The following MTFP1 variants were observed in gnomAD, a reference collection of about 807,000 sequenced individuals.
MTFP1 encodes mitochondrial fission process 1, also known as mitochondrial fission process protein 1.
MTFP1 carries 19 observed loss-of-function variants against 17.1 expected under a neutral mutation model. That is an observed-to-expected ratio of 1.11 (90% CI 0.77 to 1.63). The LOEUF (loss-of-function observed/expected upper bound fraction) is 1.63, where lower values mean the gene tolerates loss of function less well. MTFP1 is among the 40% of genes most tolerant of loss of function. The pLI is 0.00. For missense variants in MTFP1, 221 were observed against 226.2 expected (o/e 0.98, Z 0.15); for synonymous variants, 89 against 95.2 (o/e 0.93, Z 0.38).
Position 30,426,632 on chromosome 22 carries a change from A to C in MTFP1, c.68-85A>C. On this transcript the variant is annotated intron_variant, in intron 1 of 3. Coordinates refer to ENST00000266263, the MANE Select transcript of MTFP1 (RefSeq NM_016498.5). ...GCCTAAGGTCACCCAGGGACTGCTTAGCTGGCTAGGATGAGAACCAGCCTG... is the reference window on the plus strand; with the variant it reads ...GCCTAAGGTCACCCAGGGACTGCTTCGCTGGCTAGGATGAGAACCAGCCTG... 1.9e-6 allele frequency: 3 copies of C among 1,552,306 alleles called. No individual in the cohort carries two copies. The South Asian group carries it at 3.5e-5, about 18-fold the overall frequency.
At chr22:30,427,038 G>C (rs1321627484) in intron 2 of MTFP1, 133 bp from the exon 3 acceptor site, 1 of 1,352,532 alleles carries the variant, frequency 7.4e-7, no homozygotes, top group African/African-American at 1.4e-5. Context: ...AACTGGATGT[G>C]GCAGACTGTA....
chr22:30,427,006 G>T, intron 2 of MTFP1, 162 bp downstream of exon 2: 1 of 1,377,616 alleles, frequency 7.3e-7, no homozygotes. Flanking sequence ...GTGTACCCCT[G>T]CCCCCACACT....
intron 2 of MTFP1, 160 bp from the exon 3 acceptor site, chr22:30,427,011 C>G: frequency 7.3e-7 from 1 of 1,365,564 alleles, no homozygotes; most frequent in Non-Finnish European, 1.0e-6. Context: ...CCCCTGCCCC[C>G]ACACTCCCAC....
chr22:30,428,768 G>A lies in MTFP1; in HGVS notation c.*234G>A, dbSNP rs13058535. On this transcript the variant is annotated 3_prime_UTR_variant, in exon 4 of 4. Transcript: ENST00000266263. Reference sequence around the variant, plus strand: ...TCCCTGGAATCCAAGATGCTGAGTGGAAGTGGACCCTGGGTGGGCCCGGCC... The same window carrying A: ...TCCCTGGAATCCAAGATGCTGAGTGAAAGTGGACCCTGGGTGGGCCCGGCC... 0.11 allele frequency: 135,127 copies of A among 1,258,646 alleles called. 8,415 individuals are homozygous for A. Among genetic ancestry groups the A allele is most frequent in the Non-Finnish European group, 0.13 (110,800 of 873,848 alleles). 78.0% of individuals were successfully genotyped at this position (1,258,646 alleles called of 1,614,324 possible).
Position 30,427,262 on chromosome 22 carries a change from C to T in MTFP1, c.287C>T (p.Pro96Leu), listed in dbSNP as rs747853229. The T allele has an allele frequency of 5.6e-6, 9 of 1,613,896 alleles. No homozygotes were observed. In the East Asian group the frequency reaches 8.9e-5, roughly 16 times the overall value. The part of the protein sequence containing the change: ...VWQALASVAI[P>L]GFTINRVCAA... Reference sequence around the variant, plus strand: ...CAGGCTCTAGCCTCTGTGGCCATTCCGGGCTTCACCATCAACCGCGTGTGT... The same window carrying T: ...CAGGCTCTAGCCTCTGTGGCCATTCTGGGCTTCACCATCAACCGCGTGTGT... Residue 96 changes from proline to leucine, a missense_variant, in exon 3 of 4, where the codon CCG becomes CTG. Physicochemically the swap from Pro to Leu is moderately conservative, Grantham distance 98. Coordinates refer to ENST00000266263, the MANE Select transcript of MTFP1 (RefSeq NM_016498.5).
chr22:30,426,895 G>C, intron 2 of MTFP1, 51 bp downstream of exon 2: 1 of 1,599,392 alleles, frequency 6.3e-7, no homozygotes, highest in Middle Eastern at 1.7e-4. Flanking sequence ...CTTCTTGTGT[G>C]GTTCAGTCCA....
In MTFP1 at chr22:30,428,688, A is replaced by T; in HGVS notation, c.*154A>T. 6.2e-7 allele frequency: 1 copy of T among 1,612,624 alleles called. No homozygotes were observed. Among genetic ancestry groups the T allele is most frequent in the Non-Finnish European group, 8.5e-7 (1 of 1,178,658 alleles). ...ACAGAAGCTTAGAGACAAAGGCTTC[A>T]AGAAGCAGTGGCTGCAGGGAGTCAC... On this transcript the variant is annotated 3_prime_UTR_variant, in exon 4 of 4. Transcript: ENST00000266263.
At chr22:30,426,586 C>G (rs1041994763) in intron 1 of MTFP1, 131 bp from the exon 2 acceptor site, 2 of 1,236,954 alleles carry the variant, frequency 1.6e-6, no homozygotes, top group East Asian at 5.2e-5. Context: ...GAAAGGGAGG[C>G]TCAGAGAGGT....
rs768009050 is a variant in MTFP1, at chr22:30,426,844, G to A, written c.195G>A (p.Glu65=). Residue 65 remains glutamate, a splice_region_variant and synonymous_variant, in exon 2 of 4, where the codon GAG becomes GAA. Transcript: ENST00000266263. ...TTGACAAAGGCAAGAAGGCTGGAGA[G>A]GTGAGTGTTAGCCTATTTTCCAACC... ...DAIDKGKKAG[E]VPSPEAGRSA... is the part of the protein sequence containing the mutation. 1.2e-6 allele frequency: 2 copies of A among 1,609,676 alleles called. No individual in the cohort carries two copies. The highest frequency in any genetic ancestry group is 1.7e-6 in the Non-Finnish European group (2 of 1,179,956).
At position 30,425,807 on chromosome 22, in the gene MTFP1, C is replaced by G; in HGVS notation, c.-73C>G. Reference sequence around the variant, plus strand: ...TTTCGGCGGGTCCCGGCCGGGCAGACCCAAGTGCCGGCGGCGGAGACTGCA... The same window carrying G: ...TTTCGGCGGGTCCCGGCCGGGCAGAGCCAAGTGCCGGCGGCGGAGACTGCA... On this transcript the variant is annotated 5_prime_UTR_variant, in exon 1 of 4. Coordinates refer to ENST00000266263, the MANE Select transcript of MTFP1 (RefSeq NM_016498.5). 2 of 1,444,390 alleles carry G rather than the reference C, an allele frequency of 1.4e-6. No individual in the cohort carries two copies. The highest frequency in any genetic ancestry group is 4.7e-5 in the Admixed American group (2 of 42,318). The allele number at this position is 1,444,390 out of a possible 1,614,324, so 89.5% of individuals were successfully genotyped here. A position where few individuals can be genotyped will look rare whatever the true frequency, so the allele number is the denominator to read the frequency against.
Position 30,428,538 on chromosome 22 carries a change from T to C in MTFP1, c.*4T>C, listed in dbSNP as rs775396161. 3 of 1,614,054 alleles carry C rather than the reference T, an allele frequency of 1.9e-6. No homozygotes were observed. Among genetic ancestry groups the C allele is most frequent in the Non-Finnish European group, 1.7e-6 (2 of 1,180,022 alleles). The stretch of plus-strand genomic sequence containing the variant: ...GGGGAAGCCCAGCTCCTCCTGATCA[T>C]ACTCTGGTACCTGGCCTGTGCATCG... On this transcript the variant is annotated 3_prime_UTR_variant, in exon 4 of 4. Coordinates refer to ENST00000266263, the MANE Select transcript of MTFP1 (RefSeq NM_016498.5).
At chr22:30,426,891 G>T in intron 2 of MTFP1, 47 bp downstream of exon 2, 1 of 1,600,224 alleles carries the variant, frequency 6.2e-7, no homozygotes, top group African/African-American at 1.3e-5. Flanking sequence ...CTCTCTTCTT[G>T]TGTGGTTCAG....
Position 30,426,767 on chromosome 22 carries a change from G to T in MTFP1, c.118G>T (p.Val40Leu), listed in dbSNP as rs1934676661. 2 of 1,614,118 alleles carry T rather than the reference G, an allele frequency of 1.2e-6. No homozygotes were observed. The highest frequency in any genetic ancestry group is 2.2e-5 in the South Asian group (2 of 91,082). Reference sequence around the variant, plus strand: ...TTTCCGCTCTCTTGTGCCAGCGGCGGTGGTGTGGCTGAGCTATGGCGTGGC... The same window carrying T: ...TTTCCGCTCTCTTGTGCCAGCGGCGTTGGTGTGGCTGAGCTATGGCGTGGC... Reference protein sequence around the residue: ...EAFRSLVPAAVVWLSYGVASS... With the variant: ...EAFRSLVPAALVWLSYGVASS... The change falls in exon 2 of 4, where the codon GTG becomes TTG. Residue 40 changes from valine (V) to leucine (L), a missense_variant. Val to Leu is a conservative substitution (Grantham distance 32, BLOSUM62 1). Transcript: ENST00000266263.
chr22:30,427,290 T>C lies in MTFP1; in HGVS notation c.315T>C (p.Ala105=), dbSNP rs751820850. The C allele has an allele frequency of 6.2e-7, 1 of 1,614,116 alleles. No homozygotes were observed. The change falls in exon 3 of 4, where the codon GCT becomes GCC. Residue 105 remains alanine (A), a synonymous_variant. Transcript: ENST00000266263. The stretch of plus-strand genomic sequence containing the variant: ...GCTTCACCATCAACCGCGTGTGTGC[T>C]GCCTCTCTCTATGTCCTGGGCACTG... ...IPGFTINRVC[A]ASLYVLGTAT...
rs1233970975 is a variant in MTFP1 at position 30,425,845 on chromosome 22, C to G, written c.-35C>G. ...GGCGGAGACTGCAGTGGAGCCAGTA[C>G]CGGCTGTAGTGGCCGGGGCCGTGGC... On this transcript the variant is annotated 5_prime_UTR_variant, in exon 1 of 4. Transcript: ENST00000266263. 3.3e-6 allele frequency: 5 copies of G among 1,524,860 alleles called. No homozygotes were observed. Among genetic ancestry groups the G allele is most frequent in the Non-Finnish European group, 4.4e-6 (5 of 1,137,782 alleles). 94.5% of individuals were successfully genotyped at this position (1,524,860 alleles called of 1,614,324 possible). A position where few individuals can be genotyped will look rare whatever the true frequency, so the allele number is the denominator to read the frequency against.
At position 30,427,287 on chromosome 22, in the gene MTFP1, T is replaced by A; in HGVS notation, c.312T>A (p.Cys104Ter). The change falls in exon 3 of 4, where the codon TGT (cysteine) becomes TGA (stop). Residue 104 changes from cysteine to a stop codon, truncating the protein, a stop_gained. Transcript: ENST00000266263. LOFTEE classifies it high-confidence loss of function. Reference protein sequence around the residue: ...AIPGFTINRVCAASLYVLGTA... With the variant: ...AIPGFTINRV ...CGGGCTTCACCATCAACCGCGTGTG[T>A]GCTGCCTCTCTCTATGTCCTGGGCA... 1 of 1,614,120 alleles carries A rather than the reference T, an allele frequency of 6.2e-7. No individual in the cohort carries two copies. Among genetic ancestry groups the A allele is most frequent in the Non-Finnish European group, 8.5e-7 (1 of 1,180,046 alleles).
rs1390834247 is a variant in MTFP1 at position 30,428,832 on chromosome 22, TGA to T, written c.*303_*304del. 11 of 671,596 alleles carry T rather than the reference TGA, an allele frequency of 1.6e-5. No individual in the cohort carries two copies. Among genetic ancestry groups the T allele is most frequent in the South Asian group, 1.3e-4 (7 of 52,734 alleles). 41.6% of individuals were successfully genotyped at this position (671,596 alleles called of 1,614,324 possible). ...GAAAATTACATCCTCCCATGGAGGA[TGA>T]GAGACTGAGGCTCAGGGAGGGCAAG... On this transcript the variant is annotated 3_prime_UTR_variant, in exon 4 of 4. Coordinates refer to ENST00000266263, the MANE Select transcript of MTFP1 (RefSeq NM_016498.5).
In MTFP1 at chr22:30,428,772, TG is replaced by T; in HGVS notation, c.*240del. ...TGGAATCCAAGATGCTGAGTGGAAG[TG>T]GACCCTGGGTGGGCCCGGCCCTGTC... is the stretch of plus-strand genomic sequence containing the variant. On this transcript the variant is annotated 3_prime_UTR_variant, in exon 4 of 4. Transcript: ENST00000266263. 1 of 1,222,986 alleles carries T rather than the reference TG, an allele frequency of 8.2e-7. No individual in the cohort carries two copies. Among genetic ancestry groups the T allele is most frequent in the Non-Finnish European group, 1.2e-6 (1 of 842,842 alleles). The allele number at this position is 1,222,986 out of a possible 1,614,324, so 75.8% of individuals were successfully genotyped here.
intron 3 of MTFP1, among the ~76,000 whole-genome samples, chr22:30,427,747 A>G (rs1433104851): frequency 6.6e-6 from 1 of 152,188 alleles, no homozygotes; most frequent in Non-Finnish European, 1.5e-5. Context: ...GGTATTGGTG[A>G]CAGAAGCCTA....
Sources: gnomAD v4.1 joint callset for allele counts (sites outside exome capture counted in the v4.1 genomes callset) on GRCh38, gnomAD v4.1.1 for gene constraint, MANE v1.5 for transcripts, NCBI Gene and HGNC (gene_info 2026-07-23, HGNC 2026-07-21) for gene names.